The following RIMKLA variants were observed in gnomAD, a reference collection of about 807,000 sequenced individuals.
RIMKLA encodes the protein ribosomal modification protein rimK like family member A.
Under a neutral mutation model 32.7 loss-of-function variants are expected in RIMKLA, and 14 were observed. The observed-to-expected ratio is 0.43, with a 90% confidence interval of 0.28 to 0.67. The LOEUF is 0.67. Among genes scored for constraint, RIMKLA ranks in the 30% least tolerant of loss-of-function variants. RIMKLA has a pLI of 0.18. For synonymous variants in RIMKLA, 176 were observed against 204.1 expected, an observed-to-expected ratio of 0.86 and a Z score of 1.18; for missense variants, 410 against 519.0, an observed-to-expected ratio of 0.79 and a Z score of 2.04.
chr1:42,392,961 C>T (rs1024033841), intron 1 of RIMKLA, among the ~76,000 whole-genome samples: 9 of 152,192 alleles, frequency 5.9e-5, no homozygotes, highest in Non-Finnish European at 1.0e-4. Context: ...CATTGCACTC[C>T]AGCCTGGATG....
chr1:42,396,192 C>T (rs6684275), intron 1 of RIMKLA, among the ~76,000 whole-genome samples: 59,071 of 143,268 alleles, frequency 0.41, 12,443 homozygotes, highest in Middle Eastern at 0.57. Context: ...GCTGAGAACA[C>T]GCCATTGCAC....
At position 42,380,829 on chromosome 1, in the gene RIMKLA, G is replaced by A. The variant is rs1642879406; in HGVS notation, c.-106G>A. 3 of 618,204 alleles carry A rather than the reference G, an allele frequency of 4.9e-6. No homozygotes were observed. The South Asian group carries it at 2.2e-4, about 45-fold the overall frequency. 38.3% of individuals were successfully genotyped at this position (618,204 alleles called of 1,614,324 possible). A position where few individuals can be genotyped will look rare whatever the true frequency, so the allele number is the denominator to read the frequency against. ...GGCGCACCCGCGGGAGCGGAGCCGT[G>A]GCGCGCTCGCCCCGGACGCCGGCCG... On this transcript the variant is annotated 5_prime_UTR_variant, in exon 1 of 5. Transcript: ENST00000431473.
At chr1:42,388,580 C>G (rs1461799000) in intron 1 of RIMKLA, among the ~76,000 whole-genome samples, 1 of 142,538 alleles carries the variant, frequency 7.0e-6, no homozygotes, top group African/African-American at 2.7e-5. Flanking sequence ...AGTGCAGTGG[C>G]ACGATCTCAG....
intron 3 of RIMKLA, among the ~76,000 whole-genome samples, chr1:42,407,132 C>T (rs552305347): frequency 6.6e-6 from 1 of 152,252 alleles, no homozygotes; most frequent in African/African-American, 2.4e-5. Context: ...TCTCAAACTC[C>T]TGGACTCAAG....
rs1643317818 is a variant in RIMKLA, at chr1:42,424,145, C to T, written c.*9171C>T. On this transcript the variant is annotated 3_prime_UTR_variant, in exon 5 of 5. Transcript: ENST00000431473. ...ATAGTATCATATCAATGTCAATTTC[C>T]TCATTTTGGTGATTGTTCTAATAAG... 6.6e-6 allele frequency among the ~76,000 whole-genome samples: 1 copy of T among 152,192 alleles called. No homozygotes were observed. Among genetic ancestry groups the T allele is most frequent in the African/African-American group, 2.4e-5 (1 of 41,438 alleles).
rs1643263880 is a variant in RIMKLA, at chr1:42,417,943, A to AG, written c.*2969_*2970insG. On this transcript the variant is annotated 3_prime_UTR_variant, in exon 5 of 5. Coordinates refer to ENST00000431473, the MANE Select transcript of RIMKLA (RefSeq NM_173642.4). The stretch of plus-strand genomic sequence containing the variant: ...AGAGCGAGACTCCGTCTCAAAAAAA[A>AG]AAAAAAAAAGCCACACATTCTTGGC... The AG allele has an allele frequency of 6.6e-6, 1 of 152,242 alleles. No individual in the cohort carries two copies. The highest frequency in any genetic ancestry group is 2.4e-5 in the African/African-American group (1 of 41,390). The allele number at this position is 152,242 out of a possible 1,614,324, so 9.4% of individuals were successfully genotyped here.
chr1:42,399,412 C>T lies in RIMKLA; in HGVS notation c.172C>T (p.Leu58=). The change falls in exon 2 of 5, where the codon CTA becomes TTA. Residue 58 remains leucine, a synonymous_variant. Coordinates refer to ENST00000431473, the MANE Select transcript of RIMKLA (RefSeq NM_173642.4). ...TIVGGHLGLQ[L]NQKALTTFPD... Reference sequence around the variant, plus strand: ...TTGTCCTTGAATTGCAGGCCTCCAGCTAAACCAGAAGGCCCTCACCACTTT... The same window carrying T: ...TTGTCCTTGAATTGCAGGCCTCCAGTTAAACCAGAAGGCCCTCACCACTTT... 1 of 1,607,582 alleles carries T rather than the reference C, an allele frequency of 6.2e-7. No individual in the cohort carries two copies. The highest frequency in any genetic ancestry group is 8.5e-7 in the Non-Finnish European group (1 of 1,176,520).
chr1:42,391,867 A>C (rs941926001), intron 1 of RIMKLA, among the ~76,000 whole-genome samples: 1 of 152,156 alleles, frequency 6.6e-6, no homozygotes, highest in Non-Finnish European at 1.5e-5. Context: ...TCCATTTTAT[A>C]GAAGAGGAGA....
At chr1:42,394,377 G>A (rs74068415) in intron 1 of RIMKLA, among the ~76,000 whole-genome samples, 4,115 of 152,284 alleles carry the variant, frequency 0.027, 191 homozygotes, top group African/African-American at 0.095. Context: ...GCACAGGTTG[G>A]AGGGTGATGA....
intron 1 of RIMKLA, among the ~76,000 whole-genome samples, chr1:42,382,918 G>C (rs912712389): frequency 3.3e-5 from 5 of 151,950 alleles, no homozygotes; most frequent in Admixed American, 2.6e-4. Flanking sequence ...GAATGCAATG[G>C]CGCCATCTTG....
At position 42,411,154 on chromosome 1, in the gene RIMKLA, A is replaced by AC. The variant is rs1643193711; in HGVS notation, c.685+971dup. ...AGACCAGCCTGGACAATAAAGTGAG[A>AC]CCCCATCTCTACAAATTTTTTTTTT... On this transcript the variant is annotated intron_variant, in intron 4 of 4. Transcript: ENST00000431473. Among the ~76,000 whole-genome samples, 6 of 152,046 alleles carry AC rather than the reference A, an allele frequency of 3.9e-5. No individual in the cohort carries two copies. In the South Asian group the frequency reaches 1.0e-3, roughly 26 times the overall value.
rs566745798 is a variant in RIMKLA at position 42,387,320 on chromosome 1, T to C, written c.163+6223T>C. On this transcript the variant is annotated intron_variant, in intron 1 of 4. Coordinates refer to ENST00000431473, the MANE Select transcript of RIMKLA (RefSeq NM_173642.4). ...GGAATGCACCTGTAGTCTCAGCTAC[T>C]TGGGAGGCTGAGGCAGGAGGATCCT... is the stretch of plus-strand genomic sequence containing the variant. Among the ~76,000 whole-genome samples the C allele has an allele frequency of 7.2e-5, 11 of 152,216 alleles. No individual in the cohort carries two copies. In the East Asian group the frequency reaches 1.9e-3, roughly 27 times the overall value.
rs1263099127 is a variant in RIMKLA at position 42,422,488 on chromosome 1, A to T, written c.*7514A>T. The T allele has an allele frequency of 6.6e-6, 1 of 152,252 alleles. No homozygotes were observed. Among genetic ancestry groups the T allele is most frequent in the Non-Finnish European group, 1.5e-5 (1 of 68,044 alleles). 9.4% of individuals were successfully genotyped at this position (152,252 alleles called of 1,614,324 possible). On this transcript the variant is annotated 3_prime_UTR_variant, in exon 5 of 5. Coordinates refer to ENST00000431473, the MANE Select transcript of RIMKLA (RefSeq NM_173642.4). ...TCATTTCCAAGTGGTTTATACAGCA[A>T]TAACAGTGTTAACTTCTCCAACAGA...
Position 42,415,234 on chromosome 1 carries a change from G to C in RIMKLA, c.*260G>C, listed in dbSNP as rs569738199. The C allele has an allele frequency of 2.6e-6, 1 of 391,446 alleles. No individual in the cohort carries two copies. Among genetic ancestry groups the C allele is most frequent in the African/African-American group, 2.0e-5 (1 of 49,236 alleles). 24.2% of individuals were successfully genotyped at this position (391,446 alleles called of 1,614,324 possible). Reference sequence around the variant, plus strand: ...TCTGCTGTGAGCACGTGGATATTACGGCTGACGCTAAGGCACTGACTCTGC... The same window carrying C: ...TCTGCTGTGAGCACGTGGATATTACCGCTGACGCTAAGGCACTGACTCTGC... On this transcript the variant is annotated 3_prime_UTR_variant, in exon 5 of 5. Transcript: ENST00000431473.
chr1:42,414,449 G>T, intron 4 of RIMKLA, 35 bp from the exon 5 acceptor site: 1 of 1,603,782 alleles, frequency 6.2e-7, no homozygotes. Flanking sequence ...TGACTTCTCA[G>T]TTGTCACCTT....
At chr1:42,407,335 T>TAAAATA (rs1557756757) in intron 3 of RIMKLA, among the ~76,000 whole-genome samples, 4 of 141,694 alleles carry the variant, frequency 2.8e-5, no homozygotes, top group African/African-American at 1.0e-4. Flanking sequence ...TTTATTTTGG[T>TAAAATA]AAAGTCTAAC....
chr1:42,402,068 T>C (rs778474862), intron 2 of RIMKLA, among the ~76,000 whole-genome samples: 2 of 152,204 alleles, frequency 1.3e-5, no homozygotes, highest in Non-Finnish European at 2.9e-5. Flanking sequence ...CAAAACATCC[T>C]CTTCATGAAG....
At chr1:42,398,402 T>C (rs963518490) in intron 1 of RIMKLA, among the ~76,000 whole-genome samples, 2 of 152,238 alleles carry the variant, frequency 1.3e-5, no homozygotes, top group African/African-American at 4.8e-5. Flanking sequence ...TGAATTGAAC[T>C]GATTTTTAGT....
intron 1 of RIMKLA, among the ~76,000 whole-genome samples, chr1:42,391,522 C>T (rs1397756972): frequency 2.6e-5 from 4 of 151,950 alleles, no homozygotes; most frequent in Non-Finnish European, 4.4e-5. Flanking sequence ...GTGTCATTGG[C>T]GAGAGACAGG....
Sources: gnomAD v4.1 joint callset for allele counts (sites outside exome capture counted in the v4.1 genomes callset) on GRCh38, gnomAD v4.1.1 for gene constraint, MANE v1.5 for transcripts, NCBI Gene and HGNC (gene_info 2026-07-23, HGNC 2026-07-21) for gene names.